Variants in CDH13 observed in about 807,000 individuals in gnomAD.
CDH13 encodes cadherin-13.
CDH13 carries 24 observed loss-of-function variants against 63.8 expected under a neutral mutation model. The ratio of observed to expected loss-of-function variants is 0.38; its 90% CI spans 0.27 to 0.53. The LOEUF (loss-of-function observed/expected upper bound fraction) is 0.53, where lower values mean the gene tolerates loss of function less well. CDH13 is among the 20% of genes least tolerant of loss of function. CDH13 has a pLI of 0.85. For synonymous variants in CDH13, 503 were observed against 355.3 expected, an observed-to-expected ratio of 1.42 and a Z score of -4.67; for missense variants, 1,049 against 903.1, an observed-to-expected ratio of 1.16 and a Z score of -2.07.
At chr16:83,191,468 T>TATA (rs1275920344) in intron 4 of CDH13, among the ~76,000 whole-genome samples, 2 of 117,966 alleles carry the variant, frequency 1.7e-5, no homozygotes, top group Admixed American at 8.9e-5. Context: ...AATATATATA[T>TATA]ATATATATAT....
intron 7 of CDH13, among the ~76,000 whole-genome samples, chr16:83,599,851 T>C (rs1907614119): frequency 6.6e-6 from 1 of 152,218 alleles, no homozygotes; most frequent in Non-Finnish European, 1.5e-5. Context: ...GAAAGCGTTA[T>C]GCAAGAAATT....
chr16:82,978,683 G>A (rs2151381845), intron 2 of CDH13, among the ~76,000 whole-genome samples: 1 of 152,388 alleles, frequency 6.6e-6, no homozygotes, highest in Admixed American at 6.5e-5. Flanking sequence ...AGATTTCAGA[G>A]GATGTGTGGA....
chr16:83,732,163 T>A (rs1053785379), intron 10 of CDH13, among the ~76,000 whole-genome samples: 1 of 152,130 alleles, frequency 6.6e-6, no homozygotes, highest in Non-Finnish European at 1.5e-5. Flanking sequence ...AACAAGCCAA[T>A]GAATGTCTGA....
intron 1 of CDH13, among the ~76,000 whole-genome samples, chr16:82,689,335 A>G (rs17265361): frequency 0.11 from 16,353 of 152,066 alleles, 991 homozygotes; most frequent in Middle Eastern, 0.18. Flanking sequence ...CCGTAGGTAA[A>G]TTGTTAGTTA....
In CDH13 at chr16:82,690,703, G is replaced by A. The variant is rs143409893; in HGVS notation, c.45+63566G>A. The stretch of plus-strand genomic sequence containing the variant: ...TGCTCTGGAAGCCACTATGCCCACC[G>A]TTGTTCATGAATAAAAGAAACATGG... On this transcript the variant is annotated intron_variant, in intron 1 of 13. Transcript: ENST00000567109. Among the ~76,000 whole-genome samples, 288 of 152,310 alleles carry A rather than the reference G, an allele frequency of 1.9e-3. 1 individual carries two copies. The highest frequency in any genetic ancestry group is 6.6e-3 in the African/African-American group (273 of 41,556).
intron 4 of CDH13, among the ~76,000 whole-genome samples, chr16:83,144,193 G>T (rs2036650829): frequency 6.6e-6 from 1 of 152,178 alleles, no homozygotes; most frequent in African/African-American, 2.4e-5. Flanking sequence ...GATGTGGTAA[G>T]TGATTCTGAA....
chr16:83,037,680 A>G (rs1916985645), intron 3 of CDH13, among the ~76,000 whole-genome samples: 2 of 152,146 alleles, frequency 1.3e-5, no homozygotes, highest in Non-Finnish European at 2.9e-5. Flanking sequence ...TCAATGGACA[A>G]TGTGGGACTG....
intron 10 of CDH13, among the ~76,000 whole-genome samples, chr16:83,683,909 A>C (rs546342091): frequency 6.6e-6 from 1 of 152,348 alleles, no homozygotes; most frequent in Admixed American, 6.5e-5. Context: ...TCAGGTTCTA[A>C]AACAGATCAG....
chr16:83,000,220 CTTATTTTTTTTTTTT>C (rs1278905129), intron 2 of CDH13, among the ~76,000 whole-genome samples: 399 of 33,946 alleles, frequency 0.012, 26 homozygotes, highest in African/African-American at 0.03. Flanking sequence ...ACAGGTTTAG[CTTATTTTTTTTTTTT>C]TTTTTTTTTT....
chr16:83,350,234 C>G (rs1424728161), intron 6 of CDH13, among the ~76,000 whole-genome samples: 3 of 152,176 alleles, frequency 2.0e-5, no homozygotes, highest in African/African-American at 7.2e-5. Context: ...TGGCTTTTAG[C>G]CACCCCAAAT....
intron 2 of CDH13, among the ~76,000 whole-genome samples, chr16:82,946,459 C>T (rs934301819): frequency 6.6e-5 from 10 of 152,212 alleles, no homozygotes; most frequent in African/African-American, 2.4e-4. Flanking sequence ...GTGGCTGATG[C>T]CTGTAATCCC....
chr16:82,908,952 A>T (rs185298844), intron 2 of CDH13, among the ~76,000 whole-genome samples: 5 of 152,288 alleles, frequency 3.3e-5, no homozygotes, highest in Non-Finnish European at 5.9e-5. Flanking sequence ...TTTTTCATAC[A>T]CAAGGGTTCC....
At chr16:83,292,524 A>G (rs1016261226) in intron 5 of CDH13, among the ~76,000 whole-genome samples, 7 of 152,092 alleles carry the variant, frequency 4.6e-5, no homozygotes, top group Admixed American at 4.6e-4. Flanking sequence ...GTGTAGAGCC[A>G]TCTTTTTGTT....
intron 3 of CDH13, among the ~76,000 whole-genome samples, chr16:83,050,705 C>G (rs1246377495): frequency 2.0e-5 from 3 of 152,098 alleles, no homozygotes; most frequent in East Asian, 1.9e-4. Context: ...CAGCGCATCT[C>G]CACCCGTACA....
chr16:83,218,257 G>A (rs1392227229), intron 5 of CDH13, among the ~76,000 whole-genome samples: 2 of 152,174 alleles, frequency 1.3e-5, no homozygotes, highest in Non-Finnish European at 2.9e-5. Context: ...ACATAGAGCA[G>A]TAGCATGATG....
intron 1 of CDH13, among the ~76,000 whole-genome samples, chr16:82,828,309 A>C (rs895240030): frequency 6.6e-6 from 1 of 152,268 alleles, no homozygotes; most frequent in South Asian, 2.1e-4. Context: ...TGCGGATTCA[A>C]TGAACTATGG....
intron 1 of CDH13, among the ~76,000 whole-genome samples, chr16:82,787,453 A>C (rs1318086278): frequency 6.6e-6 from 1 of 152,240 alleles, no homozygotes; most frequent in Non-Finnish European, 1.5e-5. Flanking sequence ...GTGGACTGAT[A>C]CCAGATAGTA....
chr16:82,672,841 G>A (rs567385261), intron 1 of CDH13, among the ~76,000 whole-genome samples: 1 of 151,322 alleles, frequency 6.6e-6, no homozygotes, highest in Non-Finnish European at 1.5e-5. Flanking sequence ...TGGAGACAGA[G>A]CCTCACTGTG....
At chr16:82,806,677 A>T (rs2037162487) in intron 1 of CDH13, among the ~76,000 whole-genome samples, 1 of 152,102 alleles carries the variant, frequency 6.6e-6, no homozygotes, top group African/African-American at 2.4e-5. Flanking sequence ...TGTTGTTGTT[A>T]AGCAAAGATG....
Sources: allele counts gnomAD v4.1 joint callset (sites outside exome capture counted in the v4.1 genomes callset), GRCh38; gene constraint gnomAD v4.1.1; transcripts MANE v1.5; gene names NCBI Gene and HGNC (gene_info 2026-07-23, HGNC 2026-07-21).